Variants in CEP63 observed in about 807,000 individuals in gnomAD.
CEP63 encodes centrosomal protein 63.
CEP63 carries 84 observed loss-of-function variants against 89.1 expected under a neutral mutation model. The ratio of observed to expected loss-of-function variants is 0.94; its 90% confidence interval spans 0.79 to 1.13. CEP63 has a LOEUF of 1.13. CEP63 is among the 50% of genes most tolerant of loss of function. The probability of loss-of-function intolerance (pLI) is 0.00; values close to 1 mark genes in which losing one functional copy is unlikely to be tolerated. For synonymous variants in CEP63, 267 were observed against 272.5 expected, an observed-to-expected ratio of 0.98 and a Z score of 0.20; for missense variants, 838 against 813.3, an observed-to-expected ratio of 1.03 and a Z score of -0.37.
the CEP63 span, among the ~76,000 whole-genome samples, chr3:134,659,901 A>G: frequency 6.6e-6 from 1 of 152,234 alleles, no homozygotes; most frequent in South Asian, 2.1e-4. Context: ...GTGTCAGTGC[A>G]GACTCCAGCC....
At chr3:134,635,868 T>G in the CEP63 span, among the ~76,000 whole-genome samples, 1 of 152,258 alleles carries the variant, frequency 6.6e-6, no homozygotes, top group Non-Finnish European at 1.5e-5. Context: ...ATTTCCACAT[T>G]TAAAAATCCA....
chr3:134,608,876 T>A, the CEP63 span: 1 of 1,577,794 alleles, frequency 6.3e-7, no homozygotes, highest in Non-Finnish European at 8.6e-7. Flanking sequence ...GCCAGCTCCA[T>A]GCAGGGGAGG....
chr3:134,704,144 A>G, the CEP63 span, among the ~76,000 whole-genome samples: 9,033 of 152,318 alleles, frequency 0.059, 471 homozygotes, highest in South Asian at 0.29. Flanking sequence ...AGAGTGTTTT[A>G]GTCTGAAATG....
the CEP63 span, among the ~76,000 whole-genome samples, chr3:134,599,697 C>T: frequency 6.6e-6 from 1 of 152,130 alleles, no homozygotes; most frequent in Non-Finnish European, 1.5e-5. Context: ...TCGTGTTCTT[C>T]AAAGGCATGT....
chr3:134,703,964 A>G, the CEP63 span, among the ~76,000 whole-genome samples: 1 of 152,076 alleles, frequency 6.6e-6, no homozygotes, highest in African/African-American at 2.4e-5. Context: ...ATACTTTCCC[A>G]TTGGCTTCTG....
chr3:134,747,956 T>C, the CEP63 span, among the ~76,000 whole-genome samples: 1 of 152,134 alleles, frequency 6.6e-6, no homozygotes, highest in African/African-American at 2.4e-5. Flanking sequence ...CGGCTAATTT[T>C]TGTATTTTTA....
intron 10 of CEP63, among the ~76,000 whole-genome samples, chr3:134,587,183 GC>G (rs1305850268): frequency 6.6e-6 from 1 of 152,044 alleles, no homozygotes; most frequent in Non-Finnish European, 1.5e-5. Flanking sequence ...ACCTTCTGAA[GC>G]CTACTTCTGT....
At chr3:134,556,978 A>G (rs994470124) in intron 12 of CEP63, among the ~76,000 whole-genome samples, 2 of 152,214 alleles carry the variant, frequency 1.3e-5, no homozygotes, top group African/African-American at 4.8e-5. Context: ...TTGAAATTAC[A>G]TACAGTGTGA....
At chr3:134,654,481 A>AG in the CEP63 span, among the ~76,000 whole-genome samples, 1 of 152,202 alleles carries the variant, frequency 6.6e-6, no homozygotes, top group Non-Finnish European at 1.5e-5. Flanking sequence ...AGGCACACAG[A>AG]GAGTTCTGTG....
At chr3:134,607,577 G>T in the CEP63 span, 1 of 985,604 alleles carries the variant, frequency 1.0e-6, no homozygotes, top group Non-Finnish European at 1.2e-6. Context: ...GCGTGCCCAG[G>T]CTGTGTGCCC....
the CEP63 span, among the ~76,000 whole-genome samples, chr3:134,709,266 G>A: frequency 1.3e-5 from 2 of 152,108 alleles, no homozygotes; most frequent in Non-Finnish European, 2.9e-5. Flanking sequence ...TCCCAGTTTG[G>A]CAACTTCAGG....
intron 3 of CEP63, 45 bp downstream of exon 3, chr3:134,507,331 C>G (rs763871706): frequency 4.3e-6 from 6 of 1,390,714 alleles, no homozygotes; most frequent in Non-Finnish European, 6.1e-6. Flanking sequence ...TTTATCTTGT[C>G]TTTTATATTA....
chr3:134,647,423 AAG>A, the CEP63 span: 240 of 1,597,064 alleles, frequency 1.5e-4, no homozygotes, highest in African/African-American at 2.3e-3. Context: ...TGAAAGGAAA[AAG>A]AGAATTTACC....
At chr3:134,761,756 C>T in the CEP63 span, among the ~76,000 whole-genome samples, 3 of 152,098 alleles carry the variant, frequency 2.0e-5, no homozygotes, top group African/African-American at 7.2e-5. Flanking sequence ...TCTCTCCCCC[C>T]TGAATGTCAA....
the CEP63 span, among the ~76,000 whole-genome samples, chr3:134,764,125 G>A: frequency 0.029 from 4,454 of 152,314 alleles, 194 homozygotes; most frequent in African/African-American, 0.099. Flanking sequence ...TAGCAAACAA[G>A]TTTAGTTTCA....
Position 134,547,365 on chromosome 3 carries a change from G to A in CEP63, c.960G>A (p.Lys320=), listed in dbSNP as rs964268168. The change falls in exon 9 of 15, where the codon AAG becomes AAA. Residue 320 remains lysine, a synonymous_variant. Transcript: ENST00000675561. ...GGGAAGAATCTCTGGCAGAAAAGAAGTACACCTCTCAAGGGCAGGGGGACT... is the reference window on the plus strand; with the variant it reads ...GGGAAGAATCTCTGGCAGAAAAGAAATACACCTCTCAAGGGCAGGGGGACT... ...RPREESLAEK[K]YTSQGQGDLD... is the part of the protein sequence containing the mutation. 2.5e-6 allele frequency: 4 copies of A among 1,613,594 alleles called. No individual in the cohort carries two copies. In the African/African-American group the frequency reaches 5.3e-5, roughly 22 times the overall value.
the CEP63 span, among the ~76,000 whole-genome samples, chr3:134,713,569 T>A: frequency 2.0e-5 from 3 of 152,252 alleles, no homozygotes; most frequent in Admixed American, 6.5e-5. Flanking sequence ...TCATGGAACT[T>A]CTTATGAACC....
the CEP63 span, among the ~76,000 whole-genome samples, chr3:134,740,844 C>A: frequency 1.3e-5 from 2 of 152,310 alleles, no homozygotes; most frequent in African/African-American, 4.8e-5. Flanking sequence ...AATGAGTACA[C>A]CTCAGAGGAG....
chr3:134,684,462 A>G, the CEP63 span, among the ~76,000 whole-genome samples: 1 of 152,200 alleles, frequency 6.6e-6, no homozygotes, highest in African/African-American at 2.4e-5. Context: ...TCGCCTAGCT[A>G]TCTCAAGAGA....
Sources: gnomAD v4.1 joint callset for allele counts (sites outside exome capture counted in the v4.1 genomes callset) on GRCh38, gnomAD v4.1.1 for gene constraint, MANE v1.5 for transcripts, NCBI Gene and HGNC (gene_info 2026-07-23, HGNC 2026-07-21) for gene names.